The following NHLRC3 variants were observed in gnomAD, a reference collection of about 807,000 sequenced individuals.
NHLRC3 encodes NHL repeat containing 3, also known as NHL repeat-containing protein 3.
NHLRC3 carries 23 observed loss-of-function variants against 32.0 expected under a neutral mutation model. The ratio of observed to expected loss-of-function variants is 0.72; its 90% CI spans 0.52 to 1.02. The LOEUF (loss-of-function observed/expected upper bound fraction) is 1.02, where lower values mean the gene tolerates loss of function less well. NHLRC3 is among the 50% of genes least tolerant of loss of function. NHLRC3 has a pLI of 0.00. For synonymous variants in NHLRC3, 159 were observed against 147.9 expected, an observed-to-expected ratio of 1.08 and a Z score of -0.55; for missense variants, 407 against 406.8, an observed-to-expected ratio of 1.00 and a Z score of -0.01.
In NHLRC3 at chr13:39,042,221, G is replaced by A; in HGVS notation, c.502G>A (p.Glu168Lys). The change falls in exon 4 of 7, where the codon GAA becomes AAA. Residue 168 changes from glutamate (E) to lysine (K), a missense_variant. Glu to Lys is a moderately conservative substitution (Grantham distance 56). Coordinates refer to ENST00000379600, the MANE Select transcript of NHLRC3 (RefSeq NM_001012754.4). ...TCCTTTGCAGTTTGATAACCCAGCA[G>A]AATTATATGTAGAGGACACAGGAGA... ...LNPLQFDNPA[E>K]LYVEDTGDIY... 6.2e-7 allele frequency: 1 copy of A among 1,611,658 alleles called. No individual in the cohort carries two copies. The highest frequency in any genetic ancestry group is 8.5e-7 in the Non-Finnish European group (1 of 1,177,882).
At chr13:39,043,044 C>T (rs1444061682) in intron 4 of NHLRC3, among the ~76,000 whole-genome samples, 2 of 152,096 alleles carry the variant, frequency 1.3e-5, no homozygotes, top group Admixed American at 6.6e-5. Context: ...TTGAGGTTTT[C>T]CTAGTAGAAA....
At position 39,049,588 on chromosome 13, in the gene NHLRC3, T is replaced by G. The variant is rs1490167833; in HGVS notation, c.*1662T>G. On this transcript the variant is annotated 3_prime_UTR_variant, in exon 7 of 7. Transcript: ENST00000379600. ...TTTGACAATAACTATCAGATTTGCC[T>G]TAATTTTGTGTTTATAGCATTTATC... 2.0e-5 allele frequency: 3 copies of G among 152,246 alleles called. No homozygotes were observed. Among genetic ancestry groups the G allele is most frequent in the East Asian group, 1.9e-4 (1 of 5,208 alleles). 9.4% of individuals were successfully genotyped at this position (152,246 alleles called of 1,614,324 possible).
At position 39,044,350 on chromosome 13, in the gene NHLRC3, A is replaced by G; in HGVS notation, c.678+169A>G. 3 of 600,102 alleles carry G rather than the reference A, an allele frequency of 5.0e-6. No individual in the cohort carries two copies. In the South Asian group the frequency reaches 6.2e-5, roughly 12 times the overall value. The allele number at this position is 600,102 out of a possible 1,614,324, so 37.2% of individuals were successfully genotyped here. ...GTGTGTTAGTGGGTATGTCTGGGTA[A>G]TTACTCTGGGGCTGGGTGTGCACAC... On this transcript the variant is annotated intron_variant, in intron 5 of 6. Coordinates refer to ENST00000379600, the MANE Select transcript of NHLRC3 (RefSeq NM_001012754.4).
Position 39,039,634 on chromosome 13 carries a change from C to T in NHLRC3, c.308C>T (p.Thr103Ile). The T allele has an allele frequency of 6.2e-7, 1 of 1,611,210 alleles. No homozygotes were observed. The highest frequency in any genetic ancestry group is 1.7e-5 in the Admixed American group (1 of 60,024). ...TATTTCCTACGAGCCTGGAATTATA[C>T]AGTTGACACACCTCATGGTATATTT... ...DGYFLRAWNY[T>I]VDTPHGIFAA... The change falls in exon 3 of 7, where the codon ACA (threonine) becomes ATA (isoleucine). Residue 103 changes from threonine to isoleucine, a missense_variant. Transcript: ENST00000379600.
intron 5 of NHLRC3, among the ~76,000 whole-genome samples, chr13:39,045,905 A>G (rs1254774046): frequency 6.6e-6 from 1 of 152,208 alleles, no homozygotes; most frequent in Non-Finnish European, 1.5e-5. Flanking sequence ...TTACCTGTGA[A>G]GAAATTATCT....
At chr13:39,039,095 TAG>T in intron 1 of NHLRC3, 39 bp from the exon 2 acceptor site, 1 of 744,564 alleles carries the variant, frequency 1.3e-6, no homozygotes, top group Non-Finnish European at 2.2e-6. Context: ...TGTTCTTACC[TAG>T]ACGGTAAACT....
intron 5 of NHLRC3, among the ~76,000 whole-genome samples, chr13:39,046,397 C>A (rs1033266812): frequency 6.6e-6 from 1 of 152,226 alleles, no homozygotes; most frequent in Non-Finnish European, 1.5e-5. Context: ...GAATGCATCT[C>A]ACTTCTTGTC....
In NHLRC3 at chr13:39,047,051, T is replaced by C. The variant is rs372213296; in HGVS notation, c.690T>C (p.Ala230=). The C allele has an allele frequency of 2.1e-4, 335 of 1,608,868 alleles. No individual in the cohort carries two copies. Among genetic ancestry groups the C allele is most frequent in the Non-Finnish European group, 2.8e-4 (329 of 1,175,996 alleles). Reference sequence around the variant, plus strand: ...TGTGTGTTTCTCAGGTGTGGGTTGCTGACCGAGGAAATAAAAGAATCCAAG... The same window carrying C: ...TGTGTGTTTCTCAGGTGTGGGTTGCCGACCGAGGAAATAAAAGAATCCAAG... ...TLDSAGRVWV[A]DRGNKRIQVF... Residue 230 remains alanine (A), a synonymous_variant, in exon 6 of 7, where the codon GCT becomes GCC. Transcript: ENST00000379600.
At chr13:39,038,334 C>A, upstream of NHLRC3, 2 of 415,262 alleles carry the variant, frequency 4.8e-6, no homozygotes, top group South Asian at 6.3e-5. Context: ...CACTGAAAGT[C>A]AGCGGCGCGG....
intron 4 of NHLRC3, among the ~76,000 whole-genome samples, 166 bp from the exon 5 acceptor site, chr13:39,043,924 A>T (rs79731191): frequency 6.6e-6 from 1 of 152,150 alleles, no homozygotes; most frequent in Non-Finnish European, 1.5e-5. Context: ...TAAAAAAAAA[A>T]CTGTAAGAAA....
Position 39,043,266 on chromosome 13 carries a change from G to T in NHLRC3, c.587-824G>T, listed in dbSNP as rs532305772. On this transcript the variant is annotated intron_variant, in intron 4 of 6. Coordinates refer to ENST00000379600, the MANE Select transcript of NHLRC3 (RefSeq NM_001012754.4). Reference sequence around the variant, plus strand: ...AATCTAGGAGACAGATTGAATATAAGTGTATTAGTTTCCTGTGGTTGCCAT... The same window carrying T: ...AATCTAGGAGACAGATTGAATATAATTGTATTAGTTTCCTGTGGTTGCCAT... 5.3e-5 allele frequency among the ~76,000 whole-genome samples: 8 copies of T among 152,314 alleles called. No individual in the cohort carries two copies. The South Asian group carries it at 1.7e-3, about 32-fold the overall frequency.
At chr13:39,047,264 G>A in intron 6 of NHLRC3, 112 bp downstream of exon 6, 6 of 645,026 alleles carry the variant, frequency 9.3e-6, no homozygotes, top group South Asian at 2.2e-5. Flanking sequence ...TTGAATTAGG[G>A]GAAAATAGAA....
At chr13:39,045,918 C>T (rs948850907) in intron 5 of NHLRC3, among the ~76,000 whole-genome samples, 3 of 152,152 alleles carry the variant, frequency 2.0e-5, no homozygotes, top group Non-Finnish European at 4.4e-5. Context: ...AATTATCTCT[C>T]AATCCACAAA....
intron 3 of NHLRC3, chr13:39,041,843 T>C: frequency 2.7e-6 from 1 of 370,260 alleles, no homozygotes; most frequent in South Asian, 4.2e-5. Context: ...GAGTTTCCTG[T>C]ATAATGAGTC....
chr13:39,041,983 C>CT, intron 3 of NHLRC3, 122 bp from the exon 4 acceptor site: 1 of 608,140 alleles, frequency 1.6e-6, no homozygotes, highest in East Asian at 2.8e-5. Flanking sequence ...ATGTAATTTC[C>CT]TAAGCCTATC....
At chr13:39,039,371 C>A in intron 2 of NHLRC3, 83 bp downstream of exon 2, 2 of 1,191,924 alleles carry the variant, frequency 1.7e-6, no homozygotes, top group Non-Finnish European at 2.4e-6. Context: ...TGACCATATG[C>A]GTTTATATCA....
At chr13:39,039,335 C>T (rs779229337) in intron 2 of NHLRC3, 47 bp downstream of exon 2, 2 of 1,462,414 alleles carry the variant, frequency 1.4e-6, no homozygotes, top group South Asian at 2.3e-5. Flanking sequence ...AAGGAAGTAA[C>T]AGCCTTCCTG....
At position 39,039,711 on chromosome 13, in the gene NHLRC3, G is replaced by T; in HGVS notation, c.385G>T (p.Gly129Ter). 6.2e-7 allele frequency: 1 copy of T among 1,606,806 alleles called. No individual in the cohort carries two copies. The highest frequency in any genetic ancestry group is 2.2e-5 in the East Asian group (1 of 44,818). The change falls in exon 3 of 7, where the codon GGA becomes TGA. Residue 129 changes from glycine (G) to a stop codon, truncating the protein, a stop_gained and splice_region_variant. Coordinates refer to ENST00000379600, the MANE Select transcript of NHLRC3 (RefSeq NM_001012754.4). LOFTEE classifies it high-confidence loss of function. Reference protein sequence around the residue: ...QSVWITDVGSGFFGHTVKKYS... With the variant: ...QSVWITDVGS ...CGTCTGGATCACGGATGTAGGAAGT[G>T]GTATGTATAGTAATATCTATTAAAT...
Position 39,047,040 on chromosome 13 carries a change from G to T in NHLRC3, c.679G>T (p.Val227Leu). ...ATTGACATTTTTGTGTGTTTCTCAG[G>T]TGTGGGTTGCTGACCGAGGAAATAA... ...HSVTLDSAGR[V>L]WVADRGNKRI... Residue 227 changes from valine to leucine, a missense_variant and splice_region_variant, in exon 6 of 7, where the codon GTG (valine) becomes TTG (leucine). Transcript: ENST00000379600. 2 of 1,589,880 alleles carry T rather than the reference G, an allele frequency of 1.3e-6. No homozygotes were observed. Among genetic ancestry groups the T allele is most frequent in the Admixed American group, 1.7e-5 (1 of 59,410 alleles).
Sources: gnomAD v4.1 joint callset for allele counts (sites outside exome capture counted in the v4.1 genomes callset) on GRCh38, gnomAD v4.1.1 for gene constraint, MANE v1.5 for transcripts, NCBI Gene and HGNC (gene_info 2026-07-23, HGNC 2026-07-21) for gene names.